Variants in PRKDC observed in about 807,000 individuals in gnomAD.
PRKDC encodes the protein protein kinase, DNA-activated, catalytic subunit.
In PRKDC, 82 loss-of-function variants were observed where a neutral mutation model predicts 486.9. The observed-to-expected ratio is 0.17, with a 90% CI of 0.14 to 0.20. The LOEUF (loss-of-function observed/expected upper bound fraction) is 0.20, where lower values mean the gene tolerates loss of function less well. Among genes scored for constraint, PRKDC ranks in the 10% least tolerant of loss-of-function variants. The pLI, the probability that PRKDC is intolerant of heterozygous loss-of-function variation, is 1.00. For synonymous variants in PRKDC, 1,895 were observed against 1,837.0 expected, an observed-to-expected ratio of 1.03 and a Z score of -0.81; for missense variants, 4,504 against 5,038.2, an observed-to-expected ratio of 0.89 and a Z score of 3.21.
In PRKDC at chr8:47,911,289, C is replaced by T. The variant is rs3752399; in HGVS notation, c.2934+1121G>A. 3.0e-4 allele frequency among the ~76,000 whole-genome samples: 45 copies of T among 152,338 alleles called. 1 individual carries two copies. In the East Asian group the frequency reaches 5.8e-3, roughly 20 times the overall value. On this transcript the variant is annotated intron_variant, in intron 25 of 85. Coordinates refer to ENST00000314191, the MANE Select transcript of PRKDC (RefSeq NM_006904.7). ...AGCACTGACCACTCCCAGAAACAGG[C>T]CATGCTCCCATGCTGGGTGGAAGCA... is the stretch of plus-strand genomic sequence containing the variant.
intron 21 of PRKDC, among the ~76,000 whole-genome samples, chr8:47,922,179 C>T (rs547979110): frequency 1.3e-5 from 2 of 152,126 alleles, no homozygotes; most frequent in African/African-American, 4.8e-5. Flanking sequence ...GTCACCCAGG[C>T]TATGGTGCAG....
chr8:47,790,819 C>T (rs2086869830), intron 74 of PRKDC, among the ~76,000 whole-genome samples: 1 of 152,128 alleles, frequency 6.6e-6, no homozygotes, highest in African/African-American at 2.4e-5. Flanking sequence ...AGGGAAAGGA[C>T]AGTCTCCAAT....
At chr8:47,947,070 T>C (rs774772261) in intron 7 of PRKDC, among the ~76,000 whole-genome samples, 16 of 152,166 alleles carry the variant, frequency 1.1e-4, no homozygotes, top group Non-Finnish European at 1.8e-4. Context: ...GCCCACTTTG[T>C]GTACCTCCAC....
chr8:47,844,148 G>A (rs1011459908), intron 54 of PRKDC, among the ~76,000 whole-genome samples: 4 of 152,228 alleles, frequency 2.6e-5, no homozygotes, highest in Non-Finnish European at 4.4e-5. Context: ...CTCTTCAAGA[G>A]ACCCATCTCA....
Position 47,826,651 on chromosome 8 carries a change from C to A in PRKDC, c.8783+5G>T. 1 of 1,604,312 alleles carries A rather than the reference C, an allele frequency of 6.2e-7. No homozygotes were observed. Among genetic ancestry groups the A allele is most frequent in the Non-Finnish European group, 8.5e-7 (1 of 1,173,288 alleles). ...GCTCCCAAGAGCACCTGACCTCACA[C>A]TTACTTAGCAAGCTCCACCCATCTG... is the stretch of plus-strand genomic sequence containing the variant. On this transcript the variant is annotated splice_donor_5th_base_variant and intron_variant, in intron 63 of 85. Transcript: ENST00000314191.
intron 40 of PRKDC, 150 bp downstream of exon 40, chr8:47,877,574 A>G (rs1189728532): frequency 1.4e-6 from 1 of 718,808 alleles, no homozygotes; most frequent in Admixed American, 3.8e-5. Context: ...TTATAATAAT[A>G]AAAGTTTTGT....
At chr8:47,792,149 C>T (rs575458785) in intron 74 of PRKDC, among the ~76,000 whole-genome samples, 16 of 151,140 alleles carry the variant, frequency 1.1e-4, no homozygotes, top group African/African-American at 3.6e-4. Flanking sequence ...CAACTGAACT[C>T]GTGGGGAGGG....
Position 47,800,891 on chromosome 8 carries a change from C to T in PRKDC, c.10018G>A (p.Ala3340Thr). 1.2e-6 allele frequency: 2 copies of T among 1,613,822 alleles called. No homozygotes were observed. The highest frequency in any genetic ancestry group is 1.7e-6 in the Non-Finnish European group (2 of 1,179,856). Residue 3340 changes from alanine (A) to threonine (T), a missense_variant, in exon 71 of 86, where the codon GCT (alanine) becomes ACT (threonine). By Grantham distance (58) the Ala-to-Thr change is moderately conservative. Around this residue, in one of 6 missense-constraint regions of PRKDC, gnomAD observed 1,592 missense variants for 1,724.6 expected, o/e 0.92. Transcript: ENST00000314191. ...LGTTYRIIANALSSEPACLAE... is the reference protein window; with the variant it reads ...LGTTYRIIANTLSSEPACLAE... Reference sequence around the variant, plus strand: ...AGGCAGGCTGGCTCACTGCTGAGAGCATTCGCTATGATCCTGTAAGTTGTA... The same window carrying T: ...AGGCAGGCTGGCTCACTGCTGAGAGTATTCGCTATGATCCTGTAAGTTGTA...
rs1467449037 is a variant in PRKDC at position 47,927,733 on chromosome 8, A to G, written c.2259+38T>C. 2.7e-6 allele frequency: 4 copies of G among 1,463,248 alleles called. No homozygotes were observed. The African/African-American group carries it at 5.7e-5, about 21-fold the overall frequency. The allele number at this position is 1,463,248 out of a possible 1,614,324, so 90.6% of individuals were successfully genotyped here. A position where few individuals can be genotyped will look rare whatever the true frequency, so the allele number is the denominator to read the frequency against. On this transcript the variant is annotated intron_variant, in intron 20 of 85. Transcript: ENST00000314191. ...TTCTATGTGCTCTGGGACTCACAACAGCGATGAAGAGATGGCTCTGTTCAA... is the reference window on the plus strand; with the variant it reads ...TTCTATGTGCTCTGGGACTCACAACGGCGATGAAGAGATGGCTCTGTTCAA...
At chr8:47,863,924 A>G (rs1468668556) in intron 41 of PRKDC, among the ~76,000 whole-genome samples, 1 of 152,216 alleles carries the variant, frequency 6.6e-6, no homozygotes, top group African/African-American at 2.4e-5. Context: ...GCATCTGGGT[A>G]TTCATAGTAT....
intron 72 of PRKDC, 61 bp downstream of exon 72, chr8:47,799,149 C>T: frequency 6.3e-7 from 1 of 1,590,302 alleles, no homozygotes; most frequent in Non-Finnish European, 8.6e-7. Context: ...AAGGTATGTA[C>T]AAAATTCATA....
chr8:47,878,430 G>C (rs1484888187), intron 39 of PRKDC, among the ~76,000 whole-genome samples: 5 of 152,092 alleles, frequency 3.3e-5, no homozygotes, highest in African/African-American at 7.2e-5. Flanking sequence ...TTTTGCAGAT[G>C]CTACTCTTCT....
At chr8:47,879,954 C>G (rs2089176250) in intron 38 of PRKDC, among the ~76,000 whole-genome samples, 1 of 149,774 alleles carries the variant, frequency 6.7e-6, no homozygotes, top group South Asian at 2.1e-4. Flanking sequence ...AAGTGATTCT[C>G]CCTGCCTCAG....
At chr8:47,881,799 T>A (rs2154501512) in intron 37 of PRKDC, 113 bp downstream of exon 37, 2 of 948,620 alleles carry the variant, frequency 2.1e-6, no homozygotes, top group Middle Eastern at 2.5e-4. Flanking sequence ...GTCAAAATAT[T>A]TTCTTATTTG....
rs577483229 is a variant in PRKDC at position 47,821,642 on chromosome 8, G to C, written c.9073C>G (p.Pro3025Ala). Residue 3025 changes from proline to alanine, a missense_variant, in exon 65 of 86, where the codon CCA (proline) becomes GCA (alanine). Transcript: ENST00000314191. ...STASIDSENP[P>A]DLNKIWSEPF... ...TCACTCCAGATTTTATTTAGGTCTG[G>C]GGGGTTCTCACTGTCTATACTGGCT... 14 of 1,602,544 alleles carry C rather than the reference G, an allele frequency of 8.7e-6. No homozygotes were observed. In the South Asian group the frequency reaches 1.6e-4, roughly 18 times the overall value.
rs755999101 is a variant in PRKDC, at chr8:47,819,386, C to A, written c.9445+16G>T. 1.4e-6 allele frequency: 2 copies of A among 1,430,952 alleles called. No homozygotes were observed. Among genetic ancestry groups the A allele is most frequent in the Non-Finnish European group, 1.9e-6 (2 of 1,057,168 alleles). The allele number at this position is 1,430,952 out of a possible 1,614,324, so 88.6% of individuals were successfully genotyped here. ...ACAATTAGAAATGAAAAAAAAAGAC[C>A]GATGAAAAAAATTACCTTGTTTGCT... On this transcript the variant is annotated intron_variant, in intron 67 of 85. Transcript: ENST00000314191.
At chr8:47,854,611 A>G (rs1452431006) in intron 50 of PRKDC, among the ~76,000 whole-genome samples, 2 of 151,852 alleles carry the variant, frequency 1.3e-5, no homozygotes, top group Non-Finnish European at 2.9e-5. Flanking sequence ...AAGAGCCGGG[A>G]TTAAGGCGTG....
In PRKDC at chr8:47,840,126, T is replaced by C. The variant is rs1407523603; in HGVS notation, c.7344A>G (p.Pro2448=). The C allele has an allele frequency of 6.3e-6, 10 of 1,597,960 alleles. No individual in the cohort carries two copies. Among genetic ancestry groups the C allele is most frequent in the Non-Finnish European group, 7.7e-6 (9 of 1,171,012 alleles). Residue 2448 remains proline, a synonymous_variant, in exon 55 of 86, where the codon CCA becomes CCG. Coordinates refer to ENST00000314191, the MANE Select transcript of PRKDC (RefSeq NM_006904.7). The part of the protein sequence containing the change: ...IIYKMMPKLK[P]VELRELLNPV... ...GGTTCAGAAGTTCTCGGAGTTCTAC[T>C]GGTTTTAACTTTGGCATCATCTTAT...
At chr8:47,956,473 T>C (rs1264474581) in intron 3 of PRKDC, among the ~76,000 whole-genome samples, 1 of 149,326 alleles carries the variant, frequency 6.7e-6, no homozygotes. Context: ...GACGGGAAGA[T>C]CACTTAAGCC....
Sources: gnomAD v4.1 joint callset for allele counts (sites outside exome capture counted in the v4.1 genomes callset) on GRCh38, gnomAD v4.1.1 for gene constraint, gnomAD v4.1.1 regional missense constraint, MANE v1.5 for transcripts, NCBI Gene and HGNC (gene_info 2026-07-23, HGNC 2026-07-21) for gene names.